KHDRBS2: variants seen among roughly 807,000 people sequenced by gnomAD.
The protein encoded by KHDRBS2 is KH domain-containing, RNA-binding, signal transduction-associated protein 2.
A neutral mutation model predicts 44.3 loss-of-function variants in KHDRBS2; 26 were observed. That is an observed-to-expected ratio of 0.59 (90% CI 0.43 to 0.81). KHDRBS2 has a LOEUF of 0.81. KHDRBS2 is among the 40% of genes least tolerant of loss of function. The pLI, the probability that KHDRBS2 is intolerant of heterozygous loss-of-function variation, is 0.00. For synonymous variants in KHDRBS2, 194 were observed against 151.1 expected, an observed-to-expected ratio of 1.28 and a Z score of -2.08; for missense variants, 476 against 433.1, an observed-to-expected ratio of 1.10 and a Z score of -0.88.
chr6:61,852,486 C>A (rs1209026687), intron 6 of KHDRBS2, among the ~76,000 whole-genome samples: 1 of 151,758 alleles, frequency 6.6e-6, no homozygotes. Flanking sequence ...ATCATTTGAA[C>A]CCGGGAGGCA....
chr6:61,933,313 T>A (rs1562467491), intron 4 of KHDRBS2, among the ~76,000 whole-genome samples: 1 of 152,148 alleles, frequency 6.6e-6, no homozygotes, highest in Non-Finnish European at 1.5e-5. Context: ...CCTCCAACAC[T>A]GAGGATTACA....
the KHDRBS2 span, among the ~76,000 whole-genome samples, chr6:61,635,589 G>T: frequency 6.6e-6 from 1 of 151,908 alleles, no homozygotes; most frequent in Non-Finnish European, 1.5e-5. Flanking sequence ...TGTTGCAAAG[G>T]GGGAAATGAA....
downstream of KHDRBS2, among the ~76,000 whole-genome samples, chr6:61,679,497 T>C (rs116240372): frequency 2.6e-5 from 4 of 152,084 alleles, no homozygotes; most frequent in Non-Finnish European, 4.4e-5. Context: ...ACTATTAGTG[T>C]TACCTGTTTA....
chr6:61,703,430 A>T (rs1242795461), intron 7 of KHDRBS2, among the ~76,000 whole-genome samples: 1 of 151,836 alleles, frequency 6.6e-6, no homozygotes, highest in African/African-American at 2.4e-5. Flanking sequence ...TATGTGAGGG[A>T]TATATATCTA....
At position 62,054,979 on chromosome 6, in the gene KHDRBS2, T is replaced by C. The variant is rs371272389; in HGVS notation, c.220-6985A>G. On this transcript the variant is annotated intron_variant, in intron 2 of 8. Transcript: ENST00000281156. ...AAGAGAAATAAAATTAATTCCTACA[T>C]CATAACAGAAAAACTAAATTCTAGA... Among the ~76,000 whole-genome samples, 14 of 152,142 alleles carry C rather than the reference T, an allele frequency of 9.2e-5. 1 individual carries two copies. Among genetic ancestry groups the C allele is most frequent in the African/African-American group, 3.4e-4 (14 of 41,556 alleles).
At position 61,894,665 on chromosome 6, in the gene KHDRBS2, A is replaced by G; in HGVS notation, c.780T>C (p.Pro260=). ...APTVPGYRAP[P]PPAHEAYEEY... ...CTTCATAAGCTTCATGGGCTGGAGG[A>G]GGAGGTGCCCTGTATCCTGGCACTG... Residue 260 remains proline, a synonymous_variant, in exon 6 of 9, where the codon CCT becomes CCC. Coordinates refer to ENST00000281156, the MANE Select transcript of KHDRBS2 (RefSeq NM_152688.4). 3 of 1,612,688 alleles carry G rather than the reference A, an allele frequency of 1.9e-6. No homozygotes were observed. Among genetic ancestry groups the G allele is most frequent in the Non-Finnish European group, 2.5e-6 (3 of 1,179,570 alleles).
the KHDRBS2 span, among the ~76,000 whole-genome samples, chr6:61,629,901 A>AT: frequency 6.6e-6 from 1 of 152,140 alleles, no homozygotes; most frequent in Admixed American, 6.5e-5. Context: ...ATGAAAATAC[A>AT]TTTTTTCAGA....
chr6:61,691,580 A>T (rs146996131), intron 8 of KHDRBS2, among the ~76,000 whole-genome samples: 16 of 152,204 alleles, frequency 1.1e-4, no homozygotes, highest in African/African-American at 2.9e-4. Flanking sequence ...TTATTTGCAT[A>T]TATTATTTTT....
rs930159870 is a variant in KHDRBS2, at chr6:61,827,218, C to A, written c.810+67417G>T. ...TCTGCACTAGACGACTTGCAAAGCC[C>A]AGGATTCACCGTGGTGCTCAAAATG... On this transcript the variant is annotated intron_variant, in intron 6 of 8. Transcript: ENST00000281156. Among the ~76,000 whole-genome samples the A allele has an allele frequency of 3.3e-5, 5 of 152,260 alleles. No homozygotes were observed. In the East Asian group the frequency reaches 5.8e-4, roughly 18 times the overall value.
At chr6:62,127,331 TAA>T (rs900338973) in intron 2 of KHDRBS2, among the ~76,000 whole-genome samples, 1 of 151,692 alleles carries the variant, frequency 6.6e-6, no homozygotes, top group South Asian at 2.1e-4. Flanking sequence ...TCAAAAGGAA[TAA>T]AAAAAACAAA....
At chr6:61,598,915 T>C in the KHDRBS2 span, among the ~76,000 whole-genome samples, 6 of 148,850 alleles carry the variant, frequency 4.0e-5, no homozygotes, top group African/African-American at 9.9e-5. Context: ...AGAATTTAAA[T>C]TGTGTTTTTG....
intron 3 of KHDRBS2, among the ~76,000 whole-genome samples, chr6:62,011,539 A>T (rs1481780820): frequency 6.6e-6 from 1 of 152,184 alleles, no homozygotes; most frequent in Admixed American, 6.6e-5. Context: ...TTGAAAAACT[A>T]GTATGTTTTC....
chr6:61,955,460 A>G lies in KHDRBS2; in HGVS notation c.483+22606T>C, dbSNP rs62646168. ...TATGTATACATATGTGTATATATACATATGTGTATATATACACATATGTAT... is the reference window on the plus strand; with the variant it reads ...TATGTATACATATGTGTATATATACGTATGTGTATATATACACATATGTAT... On this transcript the variant is annotated intron_variant, in intron 4 of 8. Transcript: ENST00000281156. 8.6e-4 allele frequency among the ~76,000 whole-genome samples: 58 copies of G among 67,736 alleles called. 4 individuals are homozygous for G. Among genetic ancestry groups the G allele is most frequent in the African/African-American group, 1.9e-3 (33 of 17,704 alleles). The allele number at this position is 67,736 out of a possible 152,430, so 44.4% of individuals were successfully genotyped here. A position where few individuals can be genotyped will look rare whatever the true frequency, so the allele number is the denominator to read the frequency against.
At chr6:61,688,815 CTT>C (rs1767078489) in intron 8 of KHDRBS2, among the ~76,000 whole-genome samples, 1 of 151,928 alleles carries the variant, frequency 6.6e-6, no homozygotes, top group East Asian at 1.9e-4. Context: ...CTTAGTTAGT[CTT>C]TGTCCCTGGT....
At chr6:61,734,482 T>A (rs776348289) in intron 6 of KHDRBS2, among the ~76,000 whole-genome samples, 3 of 152,058 alleles carry the variant, frequency 2.0e-5, no homozygotes, top group Non-Finnish European at 4.4e-5. Flanking sequence ...GTAATATAGC[T>A]AAGTTATTGT....
intron 1 of KHDRBS2, among the ~76,000 whole-genome samples, chr6:62,205,221 G>A (rs2150141085): frequency 6.6e-6 from 1 of 152,148 alleles, no homozygotes; most frequent in Non-Finnish European, 1.5e-5. Context: ...CTACTACTAT[G>A]AGTAATAAAG....
chr6:61,913,598 T>C (rs144433859), intron 4 of KHDRBS2, among the ~76,000 whole-genome samples: 1 of 151,988 alleles, frequency 6.6e-6, no homozygotes, highest in African/African-American at 2.4e-5. Flanking sequence ...AAATCCCTCA[T>C]TGAGCTTACA....
chr6:61,774,831 A>C (rs1216065881), intron 6 of KHDRBS2, among the ~76,000 whole-genome samples: 1 of 152,166 alleles, frequency 6.6e-6, no homozygotes, highest in Non-Finnish European at 1.5e-5. Context: ...TGGCAGAGAC[A>C]CAACCAAAAA....
At chr6:61,660,752 G>T in the KHDRBS2 span, among the ~76,000 whole-genome samples, 1 of 151,550 alleles carries the variant, frequency 6.6e-6, no homozygotes, top group African/African-American at 2.4e-5. Context: ...CCTATATCTT[G>T]GCCTTCTCCA....
Sources: gnomAD v4.1 joint callset for allele counts (sites outside exome capture counted in the v4.1 genomes callset) on GRCh38, gnomAD v4.1.1 for gene constraint, MANE v1.5 for transcripts, NCBI Gene and HGNC (gene_info 2026-07-23, HGNC 2026-07-21) for gene names.